ZBTB42: variants seen among roughly 807,000 people sequenced by gnomAD.
ZBTB42 encodes zinc finger and BTB domain containing 42.
Under a neutral mutation model 4.7 loss-of-function variants are expected in ZBTB42, and 3 were observed. The observed-to-expected ratio is 0.64, with a 90% CI of 0.29 to 1.66. ZBTB42 has a LOEUF of 1.66. Among genes scored for constraint, ZBTB42 ranks in the 40% most tolerant of loss-of-function variants. The probability of loss-of-function intolerance (pLI) is 0.10; values close to 1 mark genes in which losing one functional copy is unlikely to be tolerated. For synonymous variants in ZBTB42, 255 were observed against 259.5 expected, an observed-to-expected ratio of 0.98 and a Z score of 0.17; for missense variants, 521 against 577.1, an observed-to-expected ratio of 0.90 and a Z score of 1.00.
rs1022923672 is a variant in ZBTB42 at position 104,801,647 on chromosome 14, C to T, written c.450C>T (p.Leu150=). 94 of 1,550,192 alleles carry T rather than the reference C, an allele frequency of 6.1e-5. No homozygotes were observed. The highest frequency in any genetic ancestry group is 7.3e-5 in the Non-Finnish European group (84 of 1,146,956). ...CCTGGCCTGTCTGGACCGCGGACCT[C>T]TGCCCAGCTGCCCGAAAGGCCAAGC... ...PCPWPVWTAD[L]CPAARKAKLP... The change falls in exon 1 of 1, where the codon CTC becomes CTT. Residue 150 remains leucine, a synonymous_variant. Coordinates refer to ENST00000342537, the MANE Select transcript of ZBTB42 (RefSeq NM_001137601.3). The surrounding 1 kb of genome is among the most constrained non-coding windows in gnomAD (Gnocchi z 4.4).
Position 104,803,071 on chromosome 14 carries a change from T to TTGG in ZBTB42, c.*605_*606insTGG, listed in dbSNP as rs1555386337. Reference sequence around the variant, plus strand: ...TCTGGGCACAGCTGGTGTCTCGGGGTGGGGGGGGGGGTGCAGCCCCAGCAG... The same window carrying TTGG: ...TCTGGGCACAGCTGGTGTCTCGGGGTTGGGGGGGGGGGGGTGCAGCCCCAGCAG... On this transcript the variant is annotated 3_prime_UTR_variant, in exon 1 of 1. Coordinates refer to ENST00000342537, the MANE Select transcript of ZBTB42 (RefSeq NM_001137601.3). The TTGG allele has an allele frequency of 7.7e-5, 6 of 77,844 alleles. No individual in the cohort carries two copies. The highest frequency in any genetic ancestry group is 1.5e-4 in the Admixed American group (1 of 6,716). 4.8% of individuals were successfully genotyped at this position (77,844 alleles called of 1,614,324 possible).
chr14:104,802,422 G>C lies in ZBTB42; in HGVS notation c.1225G>C (p.Val409Leu). The change falls in exon 1 of 1, where the codon GTC becomes CTC. Residue 409 changes from valine (V) to leucine (L), a missense_variant. Physicochemically the swap from Val to Leu is conservative, Grantham distance 32 (BLOSUM62 1). Coordinates refer to ENST00000342537, the MANE Select transcript of ZBTB42 (RefSeq NM_001137601.3). The surrounding 1 kb of genome is among the most constrained non-coding windows in gnomAD (Gnocchi z 5.9). The part of the protein sequence containing the change: ...FTQSGDLYRH[V>L]RKFHCGLVKS... ...GCAGTCCGGGGACCTCTACCGCCAC[G>C]TCCGCAAGTTTCACTGTGGCCTCGT... The C allele has an allele frequency of 6.4e-7, 1 of 1,551,364 alleles. No individual in the cohort carries two copies. The highest frequency in any genetic ancestry group is 1.4e-5 in the African/African-American group (1 of 73,216).
Position 104,801,206 on chromosome 14 carries a change from C to G in ZBTB42, c.9C>G (p.Phe3Leu). ...GTGATGACGGCGGCGGCATGGAGTT[C>G]CCTGAGCACGGCGGACGGCTGCTGG... The part of the protein sequence containing the change: ME[F>L]PEHGGRLLGR... The change falls in exon 1 of 1, where the codon TTC becomes TTG. Residue 3 changes from phenylalanine to leucine, a missense_variant. By Grantham distance (22) the Phe-to-Leu change is conservative. Coordinates refer to ENST00000342537, the MANE Select transcript of ZBTB42 (RefSeq NM_001137601.3). The surrounding 1 kb of genome is among the most constrained non-coding windows in gnomAD (Gnocchi z 4.4). 7.0e-7 allele frequency: 1 copy of G among 1,433,852 alleles called. No homozygotes were observed. Among genetic ancestry groups the G allele is most frequent in the Non-Finnish European group, 9.1e-7 (1 of 1,097,496 alleles). 88.8% of individuals were successfully genotyped at this position (1,433,852 alleles called of 1,614,324 possible).
rs1304813935 is a variant in ZBTB42 at position 104,802,229 on chromosome 14, G to A, written c.1032G>A (p.Ser344=). Residue 344 remains serine (S), a synonymous_variant, in exon 1 of 1, where the codon TCG becomes TCA. Coordinates refer to ENST00000342537, the MANE Select transcript of ZBTB42 (RefSeq NM_001137601.3). The surrounding 1 kb of genome is among the most constrained non-coding windows in gnomAD (Gnocchi z 5.9). ...PTCPLCGKTF[S]CTYTLKRHER... ...GCCCGCTCTGTGGGAAGACCTTCTCGTGCACATACACACTGAAGAGGCACG... is the reference window on the plus strand; with the variant it reads ...GCCCGCTCTGTGGGAAGACCTTCTCATGCACATACACACTGAAGAGGCACG... The A allele has an allele frequency of 1.7e-5, 27 of 1,550,134 alleles. No homozygotes were observed. In the Admixed American group the frequency reaches 2.5e-4, roughly 15 times the overall value.
chr14:104,800,937 G>T (rs1595271731), upstream of ZBTB42: 2 of 360,494 alleles, frequency 5.5e-6, no homozygotes, highest in East Asian at 8.0e-5. This position sits in a 1 kb window ranked among gnomAD's most constrained non-coding sequence, Gnocchi z 5.3. Flanking sequence ...GCCCGGGCGG[G>T]GACGCGCGCA....
chr14:104,801,377 T>G lies in ZBTB42; in HGVS notation c.180T>G (p.Ser60Arg). ...TCTACAGGGACCGGCCCGCGGGCAG[T>G]CGCGACACGGTGCGGCTCAACGGCG... ...HLFYRDRPAG[S>R]RDTVRLNGDI... is the part of the protein sequence containing the mutation. Residue 60 changes from serine to arginine, a missense_variant, in exon 1 of 1, where the codon AGT (serine) becomes AGG (arginine). Ser to Arg is a moderately radical substitution (Grantham distance 110, BLOSUM62 -1). Coordinates refer to ENST00000342537, the MANE Select transcript of ZBTB42 (RefSeq NM_001137601.3). The surrounding 1 kb of genome is among the most constrained non-coding windows in gnomAD (Gnocchi z 4.4). 6.5e-7 allele frequency: 1 copy of G among 1,547,004 alleles called. No homozygotes were observed. The highest frequency in any genetic ancestry group is 8.7e-7 in the Non-Finnish European group (1 of 1,145,120).
chr14:104,801,559 A>G lies in ZBTB42; in HGVS notation c.362A>G (p.Lys121Arg), dbSNP rs1222347043. The G allele has an allele frequency of 6.5e-7, 1 of 1,550,082 alleles. No homozygotes were observed. The highest frequency in any genetic ancestry group is 8.7e-7 in the Non-Finnish European group (1 of 1,146,820). Reference protein sequence around the residue: ...VKVCKGRLQEKDRSLDPGNPA... With the variant: ...VKVCKGRLQERDRSLDPGNPA... ...GTCTGCAAGGGCAGGCTCCAGGAGA[A>G]GGATCGAAGTCTGGACCCGGGGAAC... The change falls in exon 1 of 1, where the codon AAG becomes AGG. Residue 121 changes from lysine (K) to arginine (R), a missense_variant. Physicochemically the swap from Lys to Arg is conservative, Grantham distance 26. Coordinates refer to ENST00000342537, the MANE Select transcript of ZBTB42 (RefSeq NM_001137601.3). The surrounding 1 kb of genome is among the most constrained non-coding windows in gnomAD (Gnocchi z 4.4).
Position 104,802,425 on chromosome 14 carries a change from C to T in ZBTB42, c.1228C>T (p.Arg410Cys), listed in dbSNP as rs983803236. 17 of 1,551,222 alleles carry T rather than the reference C, an allele frequency of 1.1e-5. No homozygotes were observed. The highest frequency in any genetic ancestry group is 9.6e-5 in the African/African-American group (7 of 73,096). ...GTCCGGGGACCTCTACCGCCACGTC[C>T]GCAAGTTTCACTGTGGCCTCGTCAA... ...TQSGDLYRHV[R>C]KFHCGLVKSL... Residue 410 changes from arginine (R) to cysteine (C), a missense_variant, in exon 1 of 1, where the codon CGC becomes TGC. By Grantham distance (180) the Arg-to-Cys change is radical. Transcript: ENST00000342537. This position sits in a 1 kb window ranked among gnomAD's most constrained non-coding sequence, Gnocchi z 5.9.
chr14:104,801,418 C>CCGCCTTCG lies in ZBTB42; in HGVS notation c.222_229dup (p.Gly77AlafsTer119). On this transcript the variant is annotated frameshift_variant, in exon 1 of 1. Coordinates refer to ENST00000342537, the MANE Select transcript of ZBTB42 (RefSeq NM_001137601.3). LOFTEE classifies it low-confidence loss of function (END_TRUNC). The surrounding 1 kb of genome is among the most constrained non-coding windows in gnomAD (Gnocchi z 4.4). ...CTCAACGGCGACATCGTCACGGCGC[C>CCGCCTTCG]CGCCTTCGGCCGCCTACTGGACTTC... 1 of 1,548,466 alleles carries CCGCCTTCG rather than the reference C, an allele frequency of 6.5e-7. No individual in the cohort carries two copies. Among genetic ancestry groups the CCGCCTTCG allele is most frequent in the Non-Finnish European group, 8.7e-7 (1 of 1,145,820 alleles).
At position 104,802,351 on chromosome 14, in the gene ZBTB42, C is replaced by T. The variant is rs1289748893; in HGVS notation, c.1154C>T (p.Thr385Ile). Residue 385 changes from threonine to isoleucine, a missense_variant, in exon 1 of 1, where the codon ACT becomes ATT. Physicochemically the swap from Thr to Ile is moderately conservative, Grantham distance 89. Transcript: ENST00000342537. This position sits in a 1 kb window ranked among gnomAD's most constrained non-coding sequence, Gnocchi z 5.9. Reference sequence around the variant, plus strand: ...CTGAGCCGGCACACCGTAGTGCACACTCGAGAGAAGCCGCATGCCTGCCGG... The same window carrying T: ...CTGAGCCGGCACACCGTAGTGCACATTCGAGAGAAGCCGCATGCCTGCCGG... ...HNLSRHTVVH[T>I]REKPHACRWC... The T allele has an allele frequency of 4.5e-6, 7 of 1,550,508 alleles. No homozygotes were observed. The South Asian group carries it at 8.3e-5, about 18-fold the overall frequency.
rs1231055922 is a variant in ZBTB42, at chr14:104,801,669, A to C, written c.472A>C (p.Lys158Gln). The change falls in exon 1 of 1, where the codon AAG (lysine) becomes CAG (glutamine). Residue 158 changes from lysine (K) to glutamine (Q), a missense_variant. Coordinates refer to ENST00000342537, the MANE Select transcript of ZBTB42 (RefSeq NM_001137601.3). This position sits in a 1 kb window ranked among gnomAD's most constrained non-coding sequence, Gnocchi z 4.4. ...ADLCPAARKA[K>Q]LPPFGVKAAL... Reference sequence around the variant, plus strand: ...CCTCTGCCCAGCTGCCCGAAAGGCCAAGCTCCCCCCGTTTGGGGTCAAGGC... The same window carrying C: ...CCTCTGCCCAGCTGCCCGAAAGGCCCAGCTCCCCCCGTTTGGGGTCAAGGC... 6 of 1,550,242 alleles carry C rather than the reference A, an allele frequency of 3.9e-6. No individual in the cohort carries two copies. In the Admixed American group the frequency reaches 1.2e-4, roughly 30 times the overall value.
Position 104,801,622 on chromosome 14 carries a change from C to CCTGGCCTGTCTGGACCGCGGACCT in ZBTB42, c.429_452dup (p.Trp143_Leu150dup). On this transcript the variant is annotated inframe_insertion, in exon 1 of 1. Coordinates refer to ENST00000342537, the MANE Select transcript of ZBTB42 (RefSeq NM_001137601.3). This position sits in a 1 kb window ranked among gnomAD's most constrained non-coding sequence, Gnocchi z 4.4. ...GCAGAACCTGCTCAGCCACCGTGCC[C>CCTGGCCTGTCTGGACCGCGGACCT]CTGGCCTGTCTGGACCGCGGACCTC... The CCTGGCCTGTCTGGACCGCGGACCT allele has an allele frequency of 6.5e-7, 1 of 1,550,060 alleles. No individual in the cohort carries two copies. The highest frequency in any genetic ancestry group is 8.7e-7 in the Non-Finnish European group (1 of 1,146,778).
In ZBTB42 at chr14:104,802,046, T is replaced by C; in HGVS notation, c.849T>C (p.Ser283=). The C allele has an allele frequency of 6.7e-7, 1 of 1,496,126 alleles. No homozygotes were observed. 92.7% of individuals were successfully genotyped at this position (1,496,126 alleles called of 1,614,324 possible). The part of the protein sequence containing the change: ...ELELGAGRLA[S]EDELGPGGPL... ...AGCTTGGTGCAGGGCGACTGGCGAG[T>C]GAGGACGAGCTGGGGCCTGGTGGGC... Residue 283 remains serine, a synonymous_variant, in exon 1 of 1, where the codon AGT becomes AGC. Coordinates refer to ENST00000342537, the MANE Select transcript of ZBTB42 (RefSeq NM_001137601.3). This position sits in a 1 kb window ranked among gnomAD's most constrained non-coding sequence, Gnocchi z 5.9.
rs570029118 is a variant in ZBTB42, at chr14:104,802,150, G to C, written c.953G>C (p.Arg318Pro). ...CAGCTGCACCTCAGTGCCCACTTCC[G>C]TGAGCGAGACAGCACCCGGGCCCGG... ...VLQLHLSAHF[R>P]ERDSTRARLS... Residue 318 changes from arginine (R) to proline (P), a missense_variant, in exon 1 of 1, where the codon CGT becomes CCT. Arg to Pro is a moderately radical substitution (Grantham distance 103). Coordinates refer to ENST00000342537, the MANE Select transcript of ZBTB42 (RefSeq NM_001137601.3). The surrounding 1 kb of genome is among the most constrained non-coding windows in gnomAD (Gnocchi z 5.9). 2 of 1,545,962 alleles carry C rather than the reference G, an allele frequency of 1.3e-6. No individual in the cohort carries two copies. Among genetic ancestry groups the C allele is most frequent in the South Asian group, 1.2e-5 (1 of 83,992 alleles).
chr14:104,801,544 G>A lies in ZBTB42; in HGVS notation c.347G>A (p.Gly116Asp). ...HMYDIVKVCK[G>D]RLQEKDRSLD... ...TATGACATCGTCAAGGTCTGCAAGG[G>A]CAGGCTCCAGGAGAAGGATCGAAGT... is the stretch of plus-strand genomic sequence containing the variant. Residue 116 changes from glycine (G) to aspartate (D), a missense_variant, in exon 1 of 1, where the codon GGC becomes GAC. Coordinates refer to ENST00000342537, the MANE Select transcript of ZBTB42 (RefSeq NM_001137601.3). The surrounding 1 kb of genome is among the most constrained non-coding windows in gnomAD (Gnocchi z 4.4). 1 of 1,550,172 alleles carries A rather than the reference G, an allele frequency of 6.5e-7. No individual in the cohort carries two copies. The highest frequency in any genetic ancestry group is 8.7e-7 in the Non-Finnish European group (1 of 1,146,896).
Position 104,801,379 on chromosome 14 carries a change from G to A in ZBTB42, c.182G>A (p.Arg61His). The change falls in exon 1 of 1, where the codon CGC becomes CAC. Residue 61 changes from arginine (R) to histidine (H), a missense_variant. By Grantham distance (29) the Arg-to-His change is conservative. Coordinates refer to ENST00000342537, the MANE Select transcript of ZBTB42 (RefSeq NM_001137601.3). This position sits in a 1 kb window ranked among gnomAD's most constrained non-coding sequence, Gnocchi z 4.4. ...TACAGGGACCGGCCCGCGGGCAGTC[G>A]CGACACGGTGCGGCTCAACGGCGAC... The part of the protein sequence containing the change: ...LFYRDRPAGS[R>H]DTVRLNGDIV... 1.3e-6 allele frequency: 2 copies of A among 1,546,808 alleles called. No homozygotes were observed. Among genetic ancestry groups the A allele is most frequent in the Non-Finnish European group, 1.7e-6 (2 of 1,144,984 alleles).
Position 104,801,714 on chromosome 14 carries a change from T to C in ZBTB42, c.517T>C (p.Ser173Pro). The C allele has an allele frequency of 6.5e-7, 1 of 1,550,106 alleles. No individual in the cohort carries two copies. Among genetic ancestry groups the C allele is most frequent in the Non-Finnish European group, 8.7e-7 (1 of 1,146,888 alleles). ...GVKAALPPRA[S>P]GPPPCQVPEE... is the part of the protein sequence containing the mutation. ...CAAGGCTGCCCTCCCTCCTCGAGCATCTGGGCCTCCTCCCTGCCAGGTCCC... is the reference window on the plus strand; with the variant it reads ...CAAGGCTGCCCTCCCTCCTCGAGCACCTGGGCCTCCTCCCTGCCAGGTCCC... Residue 173 changes from serine to proline, a missense_variant, in exon 1 of 1, where the codon TCT becomes CCT. Coordinates refer to ENST00000342537, the MANE Select transcript of ZBTB42 (RefSeq NM_001137601.3). This position sits in a 1 kb window ranked among gnomAD's most constrained non-coding sequence, Gnocchi z 4.4.
chr14:104,802,247 G>A lies in ZBTB42; in HGVS notation c.1050G>A (p.Lys350=), dbSNP rs938741814. The change falls in exon 1 of 1, where the codon AAG becomes AAA. Residue 350 remains lysine, a synonymous_variant. Coordinates refer to ENST00000342537, the MANE Select transcript of ZBTB42 (RefSeq NM_001137601.3). This position sits in a 1 kb window ranked among gnomAD's most constrained non-coding sequence, Gnocchi z 5.9. ...CCTTCTCGTGCACATACACACTGAA[G>A]AGGCACGAGCGGACACACTCGGGTG... ...GKTFSCTYTL[K]RHERTHSGEK... 1 of 1,550,260 alleles carries A rather than the reference G, an allele frequency of 6.5e-7. No individual in the cohort carries two copies. Among genetic ancestry groups the A allele is most frequent in the African/African-American group, 1.4e-5 (1 of 73,072 alleles).
Position 104,804,140 on chromosome 14 carries a change from G to C in ZBTB42, c.*1674G>C, listed in dbSNP as rs542870517. 1 of 125,534 alleles carries C rather than the reference G, an allele frequency of 8.0e-6. No individual in the cohort carries two copies. The highest frequency in any genetic ancestry group is 3.4e-5 in the African/African-American group (1 of 29,690). The allele number at this position is 125,534 out of a possible 1,614,324, so 7.8% of individuals were successfully genotyped here. A position where few individuals can be genotyped will look rare whatever the true frequency, so the allele number is the denominator to read the frequency against. On this transcript the variant is annotated 3_prime_UTR_variant, in exon 1 of 1. Coordinates refer to ENST00000342537, the MANE Select transcript of ZBTB42 (RefSeq NM_001137601.3). ...GATCGGTGTGATGTGCTCCATAATC[G>C]GGTGGGGGGTGTGTGTGTGTGTGTG... is the stretch of plus-strand genomic sequence containing the variant.
Sources: gnomAD v4.1 joint callset for allele counts on GRCh38, gnomAD v4.1.1 for gene constraint, Gnocchi (gnomAD v3.1) non-coding constraint, MANE v1.5 for transcripts, NCBI Gene and HGNC (gene_info 2026-07-23, HGNC 2026-07-21) for gene names.